Variants in DLGAP2 observed in about 807,000 individuals in gnomAD.
DLGAP2 encodes the protein disks large-associated protein 2.
Under a neutral mutation model 100.3 loss-of-function variants are expected in DLGAP2, and 26 were observed. The observed-to-expected ratio is 0.26, with a 90% confidence interval of 0.19 to 0.36. The LOEUF (loss-of-function observed/expected upper bound fraction) is 0.36. Ranked by LOEUF, DLGAP2 falls within the 10% of genes least tolerant of loss-of-function variation. DLGAP2 has a pLI of 1.00. For synonymous variants in DLGAP2, 886 were observed against 630.1 expected (o/e 1.41, Z -6.08); for missense variants, 1,858 against 1,453.2 (o/e 1.28, Z -4.53).
chr8:1,684,107 G>C (rs940379462), intron 12 of DLGAP2, among the ~76,000 whole-genome samples: 1 of 150,728 alleles, frequency 6.6e-6, no homozygotes, highest in Non-Finnish European at 1.5e-5. Flanking sequence ...TCAGCCTCCT[G>C]AGTAGCTGGG....
At chr8:1,041,293 G>T (rs945540622) in intron 2 of DLGAP2, among the ~76,000 whole-genome samples, 1 of 152,116 alleles carries the variant, frequency 6.6e-6, no homozygotes, top group Non-Finnish European at 1.5e-5. Context: ...TAGCTTGGAG[G>T]TGCGTGGAGA....
chr8:1,649,651 A>G (rs1337523791), intron 8 of DLGAP2, among the ~76,000 whole-genome samples: 4 of 152,200 alleles, frequency 2.6e-5, no homozygotes, highest in African/African-American at 7.2e-5. Flanking sequence ...GGAAATAGTT[A>G]TATAGGAAGG....
intron 2 of DLGAP2, among the ~76,000 whole-genome samples, chr8:1,142,810 C>A (rs1796544216): frequency 6.6e-6 from 1 of 152,190 alleles, no homozygotes; most frequent in African/African-American, 2.4e-5. Flanking sequence ...GGAAAGCCAG[C>A]CCTTCAGGAG....
At position 1,701,510 on chromosome 8, in the gene DLGAP2, T is replaced by TC. The variant is rs1799570249; in HGVS notation, c.*106dup. On this transcript the variant is annotated 3_prime_UTR_variant, in exon 15 of 15. Coordinates refer to ENST00000637795, the MANE Select transcript of DLGAP2 (RefSeq NM_001346810.2). ...CTGTCTCCTCCTCCCGCTGAACACG[T>TC]CCTCGCTCCCGCGCTCCCCGCGCCC... The TC allele has an allele frequency of 1.1e-5, 14 of 1,230,036 alleles. No individual in the cohort carries two copies. Among genetic ancestry groups the TC allele is most frequent in the African/African-American group, 1.5e-5 (1 of 65,366 alleles). 76.2% of individuals were successfully genotyped at this position (1,230,036 alleles called of 1,614,324 possible).
Position 1,316,091 on chromosome 8 carries a change from C to G in DLGAP2, c.106+57208C>G, listed in dbSNP as rs140613520. Reference sequence around the variant, plus strand: ...AGTGCAGCGTCTCTCCCACAGTGGTCTACACTCGAGACACTCGGCAGCTTT... The same window carrying G: ...AGTGCAGCGTCTCTCCCACAGTGGTGTACACTCGAGACACTCGGCAGCTTT... On this transcript the variant is annotated intron_variant, in intron 3 of 14. Transcript: ENST00000637795. 3.3e-3 allele frequency among the ~76,000 whole-genome samples: 403 copies of G among 120,412 alleles called. 4 individuals are homozygous for G. Among genetic ancestry groups the G allele is most frequent in the Middle Eastern group, 0.012 (2 of 164 alleles). 79.0% of individuals were successfully genotyped at this position (120,412 alleles called of 152,430 possible).
At chr8:1,566,319 T>A (rs1348866022) in intron 6 of DLGAP2, among the ~76,000 whole-genome samples, 1 of 152,220 alleles carries the variant, frequency 6.6e-6, no homozygotes, top group East Asian at 1.9e-4. Flanking sequence ...GCAACACATT[T>A]TTTTGTAGAG....
intron 3 of DLGAP2, among the ~76,000 whole-genome samples, chr8:1,421,755 G>A (rs936186162): frequency 6.6e-6 from 1 of 152,110 alleles, no homozygotes; most frequent in African/African-American, 2.4e-5. Context: ...CACGAGGTCA[G>A]CAGTTCGAGA....
At chr8:1,698,420 C>T (rs1003386254) in intron 14 of DLGAP2, among the ~76,000 whole-genome samples, 1 of 150,256 alleles carries the variant, frequency 6.7e-6, no homozygotes, top group Non-Finnish European at 1.5e-5. Context: ...TCCAAGTAAG[C>T]CATGCATGGG....
intron 2 of DLGAP2, among the ~76,000 whole-genome samples, chr8:1,025,670 T>C (rs1801777176): frequency 6.6e-6 from 1 of 152,164 alleles, no homozygotes; most frequent in African/African-American, 2.4e-5. Flanking sequence ...CCTAGAGCCA[T>C]GCCTGGCTCT....
At position 1,594,071 on chromosome 8, in the gene DLGAP2, C is replaced by G. The variant is rs12550377; in HGVS notation, c.1442+28177C>G. Among the ~76,000 whole-genome samples the G allele has an allele frequency of 4.8e-3, 737 of 152,248 alleles. 2 individuals carry two copies. The highest frequency in any genetic ancestry group is 7.2e-3 in the Non-Finnish European group (489 of 68,014). ...TCAGGCAGAGCAAACAGGCGAAAACCACAGCTACCTTCTTCTCTCTGGGAA... is the reference window on the plus strand; with the variant it reads ...TCAGGCAGAGCAAACAGGCGAAAACGACAGCTACCTTCTTCTCTCTGGGAA... On this transcript the variant is annotated intron_variant, in intron 6 of 14. Coordinates refer to ENST00000637795, the MANE Select transcript of DLGAP2 (RefSeq NM_001346810.2).
intron 9 of DLGAP2, 74 bp downstream of exon 9, chr8:1,668,752 C>G: frequency 7.5e-7 from 1 of 1,334,488 alleles, no homozygotes. Flanking sequence ...AGCCAAAACC[C>G]AACCAGCGGC....
At chr8:1,277,489 C>T (rs998246524) in intron 3 of DLGAP2, among the ~76,000 whole-genome samples, 3 of 152,042 alleles carry the variant, frequency 2.0e-5, no homozygotes, top group Admixed American at 1.3e-4. Flanking sequence ...GCCAATTTTA[C>T]CAGGAGTCAG....
At chr8:1,648,469 G>C (rs1032666975) in intron 8 of DLGAP2, among the ~76,000 whole-genome samples, 2 of 152,134 alleles carry the variant, frequency 1.3e-5, no homozygotes, top group African/African-American at 4.8e-5. Flanking sequence ...TGTCATTTCA[G>C]GTTAAACCCA....
chr8:1,637,763 C>T (rs188966241), intron 8 of DLGAP2, among the ~76,000 whole-genome samples: 2 of 152,200 alleles, frequency 1.3e-5, no homozygotes, highest in African/African-American at 2.4e-5. Context: ...GCATTGGCCC[C>T]GAAGGCCTAA....
intron 4 of DLGAP2, among the ~76,000 whole-genome samples, chr8:1,515,241 C>T (rs760451468): frequency 6.6e-6 from 1 of 152,132 alleles, no homozygotes; most frequent in Non-Finnish European, 1.5e-5. Context: ...AGTTTCAGGG[C>T]CAAGGTGTCT....
At chr8:1,117,013 T>A (rs1303113077) in intron 2 of DLGAP2, among the ~76,000 whole-genome samples, 1 of 152,174 alleles carries the variant, frequency 6.6e-6, no homozygotes, top group Non-Finnish European at 1.5e-5. Context: ...ATAAACCCGA[T>A]GTGCAGTCCT....
chr8:915,691 A>G (rs1798577447), intron 2 of DLGAP2, among the ~76,000 whole-genome samples: 1 of 151,960 alleles, frequency 6.6e-6, no homozygotes, highest in South Asian at 2.1e-4. Context: ...AAATGAAACA[A>G]ATGTGTGGTC....
chr8:1,374,853 G>A (rs577780995), intron 3 of DLGAP2, among the ~76,000 whole-genome samples: 17 of 152,170 alleles, frequency 1.1e-4, no homozygotes, highest in African/African-American at 2.7e-4. Context: ...GTGGGACTCC[G>A]GTGCCGCACG....
At chr8:1,669,326 G>C (rs915627589) in intron 9 of DLGAP2, among the ~76,000 whole-genome samples, 3 of 152,216 alleles carry the variant, frequency 2.0e-5, no homozygotes, top group African/African-American at 7.2e-5. Context: ...CCCGTGAATG[G>C]AGAGCTCTGG....
Sources: allele counts gnomAD v4.1 joint callset (sites outside exome capture counted in the v4.1 genomes callset), GRCh38; gene constraint gnomAD v4.1.1; transcripts MANE v1.5; gene names NCBI Gene and HGNC (gene_info 2026-07-23, HGNC 2026-07-21).